Variants in SLC9A8 observed in about 807,000 individuals in gnomAD.
SLC9A8 encodes the protein solute carrier family 9 member A8.
A neutral mutation model predicts 66.6 loss-of-function variants in SLC9A8; 48 were observed. The observed-to-expected ratio is 0.72, with a 90% CI of 0.57 to 0.92. The LOEUF (loss-of-function observed/expected upper bound fraction) is 0.92, where lower values mean the gene tolerates loss of function less well. SLC9A8 is among the 40% of genes least tolerant of loss of function. The pLI, the probability that SLC9A8 is intolerant of heterozygous loss-of-function variation, is 0.00. For missense variants in SLC9A8, 599 were observed against 747.3 expected (o/e 0.80, Z 2.31); for synonymous variants, 274 against 282.6 (o/e 0.97, Z 0.31).
chr20:49,831,400 A>ACTCTCT (rs1316099856), intron 3 of SLC9A8, among the ~76,000 whole-genome samples: 2 of 139,834 alleles, frequency 1.4e-5, no homozygotes, highest in African/African-American at 5.4e-5. Context: ...AAACACACAC[A>ACTCTCT]CACTCTCTCT....
intron 2 of SLC9A8, among the ~76,000 whole-genome samples, chr20:49,818,847 A>G (rs1027910543): frequency 6.6e-6 from 1 of 152,220 alleles, no homozygotes; most frequent in Non-Finnish European, 1.5e-5. Flanking sequence ...TAACTTGCTA[A>G]TTCATGAATA....
chr20:49,882,537 CT>C (rs1337111656), intron 13 of SLC9A8, among the ~76,000 whole-genome samples: 6 of 152,234 alleles, frequency 3.9e-5, no homozygotes, highest in Non-Finnish European at 8.8e-5. Context: ...CTGCACTTCA[CT>C]GAGTGCGCTC....
Position 49,854,535 on chromosome 20 carries a change from G to A in SLC9A8, c.570-903G>A, listed in dbSNP as rs1003446229. 5.0e-5 allele frequency among the ~76,000 whole-genome samples: 7 copies of A among 138,662 alleles called. No individual in the cohort carries two copies. The East Asian group carries it at 1.1e-3, about 21-fold the overall frequency. 91.0% of individuals were successfully genotyped at this position (138,662 alleles called of 152,430 possible). A position where few individuals can be genotyped will look rare whatever the true frequency, so the allele number is the denominator to read the frequency against. On this transcript the variant is annotated intron_variant, in intron 7 of 15. Coordinates refer to ENST00000361573, the MANE Select transcript of SLC9A8 (RefSeq NM_015266.3). ...CCACACCCCCACCCCACCTTCCCAC[G>A]TCACCTCAATTGATTTCCTGGGTCA...
intron 13 of SLC9A8, among the ~76,000 whole-genome samples, chr20:49,882,349 A>G (rs904004908): frequency 7.2e-5 from 11 of 151,784 alleles, no homozygotes; most frequent in Admixed American, 2.0e-4. Context: ...GTCCTAGCCT[A>G]CCTCCTTCCC....
At chr20:49,816,448 A>C (rs1365313805) in intron 2 of SLC9A8, among the ~76,000 whole-genome samples, 1 of 151,912 alleles carries the variant, frequency 6.6e-6, no homozygotes, top group Non-Finnish European at 1.5e-5. Flanking sequence ...AAACCAAAAA[A>C]CTAATTTTGT....
intron 15 of SLC9A8, 118 bp from the exon 16 acceptor site, chr20:49,887,711 A>G: frequency 4.2e-6 from 3 of 710,890 alleles, no homozygotes; most frequent in Non-Finnish European, 7.1e-6. Context: ...GCCTGTGGCC[A>G]TCACCCTGCC....
chr20:49,848,106 C>T (rs610267), intron 5 of SLC9A8, among the ~76,000 whole-genome samples: 138,288 of 151,942 alleles, frequency 0.91, 63,017 homozygotes, highest in African/African-American at 0.94. Context: ...GTATTTTTAG[C>T]AGAGATGGGG....
rs1380138439 is a variant in SLC9A8, at chr20:49,855,449, G to A, written c.581G>A (p.Gly194Asp). Residue 194 changes from glycine (G) to aspartate (D), a missense_variant, in exon 8 of 16, where the codon GGC becomes GAC. Gly to Asp is a moderately conservative substitution (Grantham distance 94). This residue lies in a region of SLC9A8 where 467 missense variants were observed against 626.5 expected (regional missense o/e 0.75). Coordinates refer to ENST00000361573, the MANE Select transcript of SLC9A8 (RefSeq NM_015266.3). ...TCTGTCTCTTACAGTTTTGCGTTTG[G>A]CTCCCTAATATCTGCTGTCGATCCA... ...KLNMTDSFAF[G>D]SLISAVDPVA... 3 of 1,613,894 alleles carry A rather than the reference G, an allele frequency of 1.9e-6. No individual in the cohort carries two copies. In the Admixed American group the frequency reaches 5.0e-5, roughly 27 times the overall value.
chr20:49,863,991 A>T (rs931437561), intron 9 of SLC9A8: 1 of 152,216 alleles, frequency 6.6e-6, no homozygotes, highest in African/African-American at 2.4e-5. Flanking sequence ...GTTGGCTGAC[A>T]GCTTCTCATA....
At chr20:49,846,864 A>G (rs2088017932) in intron 5 of SLC9A8, among the ~76,000 whole-genome samples, 1 of 152,214 alleles carries the variant, frequency 6.6e-6, no homozygotes, top group African/African-American at 2.4e-5. Flanking sequence ...TGGAGCTTGC[A>G]GTGAGCTGAG....
intron 3 of SLC9A8, among the ~76,000 whole-genome samples, chr20:49,834,378 TATATA>T (rs2087401142): frequency 1.5e-5 from 1 of 65,134 alleles, no homozygotes; most frequent in Non-Finnish European, 2.7e-5. Context: ...TGTATATATA[TATATA>T]CTGTGTATAT....
chr20:49,855,089 C>A (rs1035274046), intron 7 of SLC9A8, among the ~76,000 whole-genome samples: 31 of 152,192 alleles, frequency 2.0e-4, no homozygotes, highest in Non-Finnish European at 2.2e-4. Flanking sequence ...AGGTCAGATG[C>A]AGGAGCTCAT....
At chr20:49,873,511 C>T (rs1238022075) in intron 10 of SLC9A8, among the ~76,000 whole-genome samples, 2 of 145,344 alleles carry the variant, frequency 1.4e-5, no homozygotes, top group Non-Finnish European at 3.0e-5. Flanking sequence ...AGAGGCCGGG[C>T]ATGTTGGCTT....
chr20:49,886,985 G>A lies in SLC9A8; in HGVS notation c.1638+87G>A. 6.9e-7 allele frequency: 1 copy of A among 1,455,366 alleles called. No homozygotes were observed. Among genetic ancestry groups the A allele is most frequent in the Middle Eastern group, 1.8e-4 (1 of 5,476 alleles). 90.2% of individuals were successfully genotyped at this position (1,455,366 alleles called of 1,614,324 possible). ...GGTGGCCCAGGGTGGGGTGGAGGAA[G>A]AGTGGGGAGGCAGGAAAGCTCACGT... On this transcript the variant is annotated intron_variant, in intron 15 of 15. Transcript: ENST00000361573. The surrounding 1 kb of genome is among the most constrained non-coding windows in gnomAD (Gnocchi z 4.8).
Position 49,823,089 on chromosome 20 carries a change from G to T in SLC9A8, c.237G>T (p.Leu79=), listed in dbSNP as rs763272666. ...LAICIILVHL[L]IRYRLHFLPE... is the part of the protein sequence containing the mutation. ...TCTGCATCATATTGGTGCATTTACT[G>T]ATCCGATACAGATTACATTTCTTGC... The change falls in exon 3 of 16, where the codon CTG becomes CTT. Residue 79 remains leucine, a synonymous_variant. Coordinates refer to ENST00000361573, the MANE Select transcript of SLC9A8 (RefSeq NM_015266.3). 14 of 1,612,164 alleles carry T rather than the reference G, an allele frequency of 8.7e-6. No individual in the cohort carries two copies. Among genetic ancestry groups the T allele is most frequent in the Non-Finnish European group, 1.1e-5 (13 of 1,179,248 alleles).
At chr20:49,864,349 G>A (rs1041238740) in intron 9 of SLC9A8, among the ~76,000 whole-genome samples, 3 of 152,192 alleles carry the variant, frequency 2.0e-5, no homozygotes, top group Non-Finnish European at 4.4e-5. Flanking sequence ...TTGGAGGAGT[G>A]GGGGTGATGC....
intron 3 of SLC9A8, among the ~76,000 whole-genome samples, chr20:49,828,379 G>T (rs968494133): frequency 6.6e-6 from 1 of 151,374 alleles, no homozygotes; most frequent in Non-Finnish European, 1.5e-5. Flanking sequence ...AATGCACCCC[G>T]CCTAATTTTA....
At chr20:49,830,821 A>T in intron 3 of SLC9A8, 1 of 1,396,244 alleles carries the variant, frequency 7.2e-7, no homozygotes, top group Non-Finnish European at 1.0e-6. Context: ...GATCAGGCCC[A>T]GCAGACACTC....
At chr20:49,862,736 C>G (rs761900726) in intron 8 of SLC9A8, among the ~76,000 whole-genome samples, 193 bp from the exon 9 acceptor site, 1 of 152,178 alleles carries the variant, frequency 6.6e-6, no homozygotes, top group Non-Finnish European at 1.5e-5. Flanking sequence ...CAGCTTTGCT[C>G]TCATCTCTGA....
Sources: gnomAD v4.1 joint callset for allele counts (sites outside exome capture counted in the v4.1 genomes callset) on GRCh38, gnomAD v4.1.1 for gene constraint, gnomAD v4.1.1 regional missense constraint, Gnocchi (gnomAD v3.1) non-coding constraint, MANE v1.5 for transcripts, NCBI Gene and HGNC (gene_info 2026-07-23, HGNC 2026-07-21) for gene names.